The following HAPSTR1 variants were observed in gnomAD, a reference collection of about 807,000 sequenced individuals.
HAPSTR1 encodes the protein HUWE1 associated protein modifying stress responses.
At chr16:9,091,794 T>G in the HAPSTR1 span, 2 of 314,598 alleles carry the variant, frequency 6.4e-6, no homozygotes, top group African/African-American at 4.7e-5. Context: ...AGCGGTTATC[T>G]GGTCCGCGGC....
the HAPSTR1 span, chr16:9,103,282 C>T: frequency 6.3e-7 from 1 of 1,598,552 alleles, no homozygotes; most frequent in Non-Finnish European, 8.5e-7. Flanking sequence ...AAACATATTT[C>T]TTTGGAAAAA....
chr16:9,094,530 T>G, the HAPSTR1 span, among the ~76,000 whole-genome samples: 2 of 152,088 alleles, frequency 1.3e-5, no homozygotes, highest in African/African-American at 4.8e-5. Context: ...CACCCCCACC[T>G]CCCAGTCCCT....
chr16:9,117,058 G>T, the HAPSTR1 span: 1 of 1,217,252 alleles, frequency 8.2e-7, no homozygotes, highest in Non-Finnish European at 1.1e-6. Flanking sequence ...ATAAAAGGAA[G>T]TTCTAGGTAT....
chr16:9,113,484 T>TA, the HAPSTR1 span, among the ~76,000 whole-genome samples: 1 of 152,220 alleles, frequency 6.6e-6, no homozygotes, highest in Non-Finnish European at 1.5e-5. Context: ...CCACTTCTGA[T>TA]ACAGTGTTTT....
At chr16:9,091,958 G>C in the HAPSTR1 span, 1 of 1,175,478 alleles carries the variant, frequency 8.5e-7, no homozygotes, top group Non-Finnish European at 1.1e-6. Context: ...CCTGCCGCCG[G>C]GCCGCTTGAC....
At chr16:9,093,020 CA>C in the HAPSTR1 span, 1 of 1,601,302 alleles carries the variant, frequency 6.2e-7, no homozygotes, top group Non-Finnish European at 8.5e-7. Context: ...AACCTTGCTG[CA>C]TTGCCGATTC....
At chr16:9,107,845 A>T in the HAPSTR1 span, 2 of 151,574 alleles carry the variant, frequency 1.3e-5, no homozygotes, top group Non-Finnish European at 1.5e-5. Flanking sequence ...CTCGGGACAC[A>T]TAGCAGGGAC....
chr16:9,092,003 A>C, the HAPSTR1 span: 3 of 1,452,388 alleles, frequency 2.1e-6, no homozygotes, highest in Non-Finnish European at 2.7e-6. Flanking sequence ...CCTGAGGAGG[A>C]CGCGGCGGCG....
chr16:9,098,414 A>G, the HAPSTR1 span, among the ~76,000 whole-genome samples: 1 of 152,240 alleles, frequency 6.6e-6, no homozygotes, highest in Non-Finnish European at 1.5e-5. Flanking sequence ...ATACATAAGT[A>G]GCTAGGAGGT....
the HAPSTR1 span, chr16:9,107,326 G>A: frequency 6.6e-6 from 1 of 152,204 alleles, no homozygotes; most frequent in Admixed American, 6.5e-5. Flanking sequence ...GGCAAAATAT[G>A]GATTTGGTTA....
the HAPSTR1 span, chr16:9,102,921 T>G: frequency 1.3e-6 from 2 of 1,533,596 alleles, no homozygotes; most frequent in Non-Finnish European, 1.8e-6. Flanking sequence ...ATGGTTTTCT[T>G]TAGAAGGGAA....
the HAPSTR1 span, among the ~76,000 whole-genome samples, chr16:9,096,198 C>G: frequency 6.6e-6 from 1 of 152,202 alleles, no homozygotes; most frequent in Non-Finnish European, 1.5e-5. Context: ...GATTCTAGTA[C>G]AAGCTCTTAG....
chr16:9,111,909 T>A, the HAPSTR1 span: 1 of 19,042 alleles, frequency 5.3e-5, no homozygotes, highest in Non-Finnish European at 8.8e-5. Context: ...CATATATGAT[T>A]ACTGTATCTT....
At chr16:9,092,159 C>A in the HAPSTR1 span, 2 of 1,565,714 alleles carry the variant, frequency 1.3e-6, no homozygotes, top group Non-Finnish European at 1.7e-6. Flanking sequence ...CGAGCAGCTG[C>A]CCCCCGAGCT....
chr16:9,105,550 C>G, the HAPSTR1 span: 1 of 152,202 alleles, frequency 6.6e-6, no homozygotes, highest in Non-Finnish European at 1.5e-5. Context: ...CCATTATTAA[C>G]TAGTAACATA....
chr16:9,116,618 A>C, the HAPSTR1 span: 1 of 1,586,360 alleles, frequency 6.3e-7, no homozygotes, highest in East Asian at 2.3e-5. Flanking sequence ...GGTTGCTTTC[A>C]AAAGGGTTAC....
the HAPSTR1 span, chr16:9,113,194 GTTAATC>G: frequency 2.0e-5 from 3 of 151,960 alleles, no homozygotes; most frequent in African/African-American, 4.8e-5. Flanking sequence ...TTTTTTGGTT[GTTAATC>G]TTAATTATTT....
the HAPSTR1 span, among the ~76,000 whole-genome samples, chr16:9,114,471 C>T: frequency 1.2e-3 from 182 of 152,188 alleles, no homozygotes; most frequent in African/African-American, 4.2e-3. Context: ...CAGGTGGGCT[C>T]ACTCAGGGAG....
the HAPSTR1 span, chr16:9,116,937 A>G: frequency 4.3e-6 from 7 of 1,610,652 alleles, no homozygotes; most frequent in Non-Finnish European, 5.9e-6. Flanking sequence ...CACACCCACC[A>G]TGCTGCTTGA....
Sources: allele counts gnomAD v4.1 joint callset (sites outside exome capture counted in the v4.1 genomes callset), GRCh38; gene constraint gnomAD v4.1.1; transcripts MANE v1.5; gene names NCBI Gene and HGNC (gene_info 2026-07-23, HGNC 2026-07-21).